The following PDE4D variants were observed in gnomAD, a reference collection of about 807,000 sequenced individuals.
The protein encoded by PDE4D is 3',5'-cyclic-AMP phosphodiesterase 4D.
PDE4D carries 24 observed loss-of-function variants against 87.4 expected under a neutral mutation model. The observed-to-expected ratio is 0.27, with a 90% CI of 0.20 to 0.39. The LOEUF (loss-of-function observed/expected upper bound fraction) is 0.39. Ranked by LOEUF, PDE4D falls within the 10% of genes least tolerant of loss-of-function variation. PDE4D has a pLI of 1.00. For missense variants in PDE4D, 714 were observed against 1,041.0 expected (o/e 0.69, Z 4.32); for synonymous variants, 384 against 383.2 (o/e 1.00, Z -0.02).
intron 5 of PDE4D, among the ~76,000 whole-genome samples, chr5:59,137,327 C>G (rs1054284602): frequency 2.0e-5 from 3 of 151,986 alleles, no homozygotes; most frequent in Non-Finnish European, 4.4e-5. Flanking sequence ...TGTGAAAGAA[C>G]TGTGAGGGAA....
At chr5:60,105,196 T>C (rs932346856) in intron 2 of PDE4D, among the ~76,000 whole-genome samples, 1 of 152,076 alleles carries the variant, frequency 6.6e-6, no homozygotes, top group South Asian at 2.1e-4. Flanking sequence ...AGCCAAGGCT[T>C]GAGAACTACG....
intron 1 of PDE4D, among the ~76,000 whole-genome samples, chr5:59,467,065 A>C (rs1801689721): frequency 6.6e-6 from 1 of 152,120 alleles, no homozygotes; most frequent in Non-Finnish European, 1.5e-5. Context: ...ATACAGAGGA[A>C]AGACCCCGTG....
intron 1 of PDE4D, among the ~76,000 whole-genome samples, chr5:59,480,796 C>G (rs1396410968): frequency 6.6e-6 from 1 of 152,144 alleles, no homozygotes; most frequent in African/African-American, 2.4e-5. Flanking sequence ...GTGATAATAA[C>G]CAATAGGGCA....
intron 1 of PDE4D, among the ~76,000 whole-genome samples, chr5:59,394,534 C>T (rs186807123): frequency 6.6e-6 from 1 of 152,094 alleles, no homozygotes; most frequent in African/African-American, 2.4e-5. Flanking sequence ...TATATATGCA[C>T]TAGGAAATGA....
intron 1 of PDE4D, among the ~76,000 whole-genome samples, chr5:59,410,748 G>T (rs560086226): frequency 2.6e-5 from 4 of 151,958 alleles, no homozygotes; most frequent in Non-Finnish European, 4.4e-5. Flanking sequence ...TTTGTCTGTC[G>T]ATGGGACACT....
chr5:59,573,267 CCTAAAGG>C (rs1441517010), intron 1 of PDE4D, among the ~76,000 whole-genome samples: 9 of 152,166 alleles, frequency 5.9e-5, no homozygotes, highest in Admixed American at 2.0e-4. Flanking sequence ...CTGATAATTT[CCTAAAGG>C]CTGGGCTCAT....
intron 1 of PDE4D, among the ~76,000 whole-genome samples, chr5:59,376,720 T>C (rs1283327777): frequency 6.6e-6 from 1 of 152,106 alleles, no homozygotes; most frequent in Non-Finnish European, 1.5e-5. Context: ...AGAGCCCGAA[T>C]AGCTAAGGCA....
At chr5:59,783,935 G>A (rs1245929495) in intron 1 of PDE4D, among the ~76,000 whole-genome samples, 1 of 152,140 alleles carries the variant, frequency 6.6e-6, no homozygotes, top group African/African-American at 2.4e-5. Flanking sequence ...GTGTGCACCT[G>A]TGGTCTTAGC....
intron 1 of PDE4D, among the ~76,000 whole-genome samples, chr5:59,891,711 A>G (rs1304212781): frequency 6.6e-6 from 1 of 152,164 alleles, no homozygotes; most frequent in Non-Finnish European, 1.5e-5. Flanking sequence ...GCAAGCTGAA[A>G]TGATGTGTAC....
chr5:59,891,821 C>T (rs1751001163), intron 1 of PDE4D, among the ~76,000 whole-genome samples: 1 of 151,862 alleles, frequency 6.6e-6, no homozygotes, highest in Admixed American at 6.6e-5. Flanking sequence ...CTCAAACACA[C>T]ATTTGAACAC....
At chr5:59,066,928 T>C (rs1307765727) in intron 5 of PDE4D, among the ~76,000 whole-genome samples, 2 of 152,126 alleles carry the variant, frequency 1.3e-5, no homozygotes, top group East Asian at 1.9e-4. Flanking sequence ...ACCTTGGACA[T>C]TCTAGTCTCC....
Position 59,116,340 on chromosome 5 carries a change from C to T in PDE4D, c.808+64255G>A, listed in dbSNP as rs567614534. Among the ~76,000 whole-genome samples, 9 of 152,048 alleles carry T rather than the reference C, an allele frequency of 5.9e-5. No individual in the cohort carries two copies. The South Asian group carries it at 6.2e-4, about 11-fold the overall frequency. ...GCTACATGTAATTTATATTGTATGA[C>T]GATGATACAAACGAATTTTTTTTGC... On this transcript the variant is annotated intron_variant, in intron 5 of 14. Transcript: ENST00000340635.
chr5:60,166,976 C>T (rs1285545101), intron 2 of PDE4D, among the ~76,000 whole-genome samples: 1 of 152,020 alleles, frequency 6.6e-6, no homozygotes, highest in Non-Finnish European at 1.5e-5. Flanking sequence ...CTTTCAGGAC[C>T]CTCTCTTTGT....
rs140714985 is a variant in PDE4D at position 59,447,070 on chromosome 5, T to A, written c.456-231102A>T. ...GACTGGTCAGCCTGTGGGTGCTACA[T>A]CTGCAGTTTACTACCCCAATCCTCT... On this transcript the variant is annotated intron_variant, in intron 1 of 14. Transcript: ENST00000340635. 1.2e-3 allele frequency among the ~76,000 whole-genome samples: 189 copies of A among 152,340 alleles called. 1 individual carries two copies. Among genetic ancestry groups the A allele is most frequent in the African/African-American group, 4.4e-3 (184 of 41,586 alleles).
At chr5:59,702,766 G>A (rs1414118218) in intron 1 of PDE4D, among the ~76,000 whole-genome samples, 1 of 149,902 alleles carries the variant, frequency 6.7e-6, no homozygotes, top group Non-Finnish European at 1.5e-5. Flanking sequence ...CTACTTGAGA[G>A]GCTGAGGTGG....
At chr5:60,250,071 A>G (rs1748252994) in intron 1 of PDE4D, among the ~76,000 whole-genome samples, 1 of 152,010 alleles carries the variant, frequency 6.6e-6, no homozygotes, top group Admixed American at 6.6e-5. Context: ...CCCCAGTAAT[A>G]GAAAATGTAT....
chr5:59,721,908 G>A (rs1755883485), intron 1 of PDE4D, among the ~76,000 whole-genome samples: 1 of 152,080 alleles, frequency 6.6e-6, no homozygotes, highest in Non-Finnish European at 1.5e-5. Flanking sequence ...CATATCAGGA[G>A]AGGCGCATCC....
intron 1 of PDE4D, among the ~76,000 whole-genome samples, chr5:59,762,715 T>C (rs570263821): frequency 1.3e-5 from 2 of 148,320 alleles, no homozygotes; most frequent in African/African-American, 4.9e-5. Context: ...TATATGTATA[T>C]AGGTTCATAT....
At chr5:59,201,701 C>T (rs1248905568) in intron 2 of PDE4D, among the ~76,000 whole-genome samples, 1 of 152,062 alleles carries the variant, frequency 6.6e-6, no homozygotes, top group Non-Finnish European at 1.5e-5. Flanking sequence ...ATTTATGAAA[C>T]CCTAGGGAAT....
Sources: allele counts gnomAD v4.1 joint callset (sites outside exome capture counted in the v4.1 genomes callset), GRCh38; gene constraint gnomAD v4.1.1; transcripts MANE v1.5; gene names NCBI Gene and HGNC (gene_info 2026-07-23, HGNC 2026-07-21).